ASH1L: variants seen among roughly 807,000 people sequenced by gnomAD.
ASH1L encodes the protein ASH1 like histone lysine methyltransferase, also known as histone-lysine N-methyltransferase ASH1L.
ASH1L carries 23 observed loss-of-function variants against 269.0 expected under a neutral mutation model. The observed-to-expected ratio is 0.09, with a 90% CI of 0.06 to 0.12. The LOEUF (loss-of-function observed/expected upper bound fraction) is 0.12, where lower values mean the gene tolerates loss of function less well. Ranked by LOEUF, ASH1L falls within the 10% of genes least tolerant of loss-of-function variation. ASH1L has a pLI of 1.00. For synonymous variants in ASH1L, 1,187 were observed against 1,253.5 expected, an observed-to-expected ratio of 0.95 and a Z score of 1.12; for missense variants, 2,912 against 3,567.8, an observed-to-expected ratio of 0.82 and a Z score of 4.68.
chr1:155,485,300 C>G (rs922171615), intron 2 of ASH1L, among the ~76,000 whole-genome samples: 1 of 151,214 alleles, frequency 6.6e-6, no homozygotes, highest in Non-Finnish European at 1.5e-5. Flanking sequence ...GAACCTCTAC[C>G]TCTCTATTTT....
chr1:155,519,608 C>A (rs929453295), intron 2 of ASH1L, among the ~76,000 whole-genome samples: 1 of 152,108 alleles, frequency 6.6e-6, no homozygotes, highest in African/African-American at 2.4e-5. Flanking sequence ...TATGATTACA[C>A]CTATATGAGT....
chr1:155,549,855 T>C (rs1057165332), intron 1 of ASH1L, among the ~76,000 whole-genome samples: 2 of 151,992 alleles, frequency 1.3e-5, no homozygotes, highest in East Asian at 1.9e-4. Flanking sequence ...GAAAAAAGCA[T>C]CCAACTGCTC....
At chr1:155,434,405 A>G (rs1307360035) in intron 5 of ASH1L, 2 of 1,036,384 alleles carry the variant, frequency 1.9e-6, no homozygotes, top group African/African-American at 3.3e-5. Context: ...GGGGCAGGGG[A>G]GTTTGGGGCA....
chr1:155,375,768 A>G (rs1178532720), intron 10 of ASH1L, among the ~76,000 whole-genome samples: 1 of 151,468 alleles, frequency 6.6e-6, no homozygotes, highest in Non-Finnish European at 1.5e-5. Flanking sequence ...ATTGCACTCC[A>G]GCCTGGGCAA....
intron 24 of ASH1L, 49 bp from the exon 25 acceptor site, chr1:155,342,151 C>G (rs1209416537): frequency 5.0e-6 from 8 of 1,590,548 alleles, no homozygotes; most frequent in South Asian, 1.1e-5. Flanking sequence ...ATTTCTCCCC[C>G]TGAGCTGCCC....
At chr1:155,377,220 T>A (rs952402598) in intron 10 of ASH1L, among the ~76,000 whole-genome samples, 3 of 152,302 alleles carry the variant, frequency 2.0e-5, no homozygotes, top group Admixed American at 2.0e-4. Context: ...TCATAATTCT[T>A]ATCTCCAATT....
intron 5 of ASH1L, chr1:155,419,407 C>G (rs1331960192): frequency 6.6e-6 from 1 of 151,190 alleles, no homozygotes; most frequent in African/African-American, 2.4e-5. Flanking sequence ...GTGCTTGATT[C>G]AGCAGCACAT....
At chr1:155,508,638 C>G (rs1219794363) in intron 2 of ASH1L, among the ~76,000 whole-genome samples, 3 of 152,122 alleles carry the variant, frequency 2.0e-5, no homozygotes, top group Non-Finnish European at 4.4e-5. Flanking sequence ...AGACTCTAGT[C>G]TCAAAAGTAA....
intron 5 of ASH1L, among the ~76,000 whole-genome samples, chr1:155,423,222 T>A (rs1660858085): frequency 1.3e-5 from 2 of 151,444 alleles, no homozygotes; most frequent in Non-Finnish European, 2.9e-5. Flanking sequence ...GTGTTGGGAT[T>A]ACAGGCGTGA....
chr1:155,446,437 T>C (rs1386117267), intron 4 of ASH1L, among the ~76,000 whole-genome samples: 2 of 151,270 alleles, frequency 1.3e-5, no homozygotes, highest in Non-Finnish European at 2.9e-5. Flanking sequence ...TAGCTGAGAC[T>C]ACAGGTGTGC....
chr1:155,347,461 A>G (rs1653457275), intron 20 of ASH1L, among the ~76,000 whole-genome samples, 195 bp downstream of exon 20: 1 of 152,156 alleles, frequency 6.6e-6, no homozygotes, highest in Admixed American at 6.6e-5. Flanking sequence ...AAGAAAAAGA[A>G]GGGAAGGATA....
intron 4 of ASH1L, among the ~76,000 whole-genome samples, chr1:155,449,528 T>C (rs1287951264): frequency 6.6e-6 from 1 of 151,768 alleles, no homozygotes; most frequent in Non-Finnish European, 1.5e-5. Context: ...GGTTGTTTTT[T>C]TTTTTTTTTG....
chr1:155,501,019 A>G (rs1285373199), intron 2 of ASH1L, among the ~76,000 whole-genome samples: 2 of 152,160 alleles, frequency 1.3e-5, no homozygotes, highest in Admixed American at 1.3e-4. Context: ...GCCTAAACAC[A>G]AAGAATTGGT....
At chr1:155,394,775 GATAA>G (rs1658213667) in intron 7 of ASH1L, among the ~76,000 whole-genome samples, 3 of 152,246 alleles carry the variant, frequency 2.0e-5, no homozygotes, top group Admixed American at 2.0e-4. Context: ...CTTTCAAGCA[GATAA>G]ATACTCAGTA....
intron 2 of ASH1L, among the ~76,000 whole-genome samples, chr1:155,494,917 A>G (rs1214928610): frequency 6.6e-6 from 1 of 151,986 alleles, no homozygotes; most frequent in East Asian, 1.9e-4. Context: ...GAGAAGCCAG[A>G]AAAGAATAAG....
chr1:155,433,486 G>C lies in ASH1L; in HGVS notation c.5828+4841C>G, dbSNP rs745825555. On this transcript the variant is annotated intron_variant, in intron 5 of 27. Coordinates refer to ENST00000392403, the MANE Select transcript of ASH1L (RefSeq NM_018489.3). ...AGCCTGAGGGCGAAGCAGGAGTCAG[G>C]GTGGAGAGCAACTCCGATGGCACCT... 4.3e-6 allele frequency: 7 copies of C among 1,610,728 alleles called. No homozygotes were observed. The Admixed American group carries it at 8.4e-5, about 19-fold the overall frequency.
At position 155,562,516 on chromosome 1, in the gene ASH1L, C is replaced by T. The variant is rs779503979; in HGVS notation, c.-463G>A. The stretch of plus-strand genomic sequence containing the variant: ...GGGAGCGAAGGGCGCCTAGCGCCCC[C>T]CTCAACCTTCCACTCCTTCCTCCTT... On this transcript the variant is annotated 5_prime_UTR_variant, in exon 1 of 28. Coordinates refer to ENST00000392403, the MANE Select transcript of ASH1L (RefSeq NM_018489.3). The T allele has an allele frequency of 3.3e-4, 496 of 1,512,188 alleles. No homozygotes were observed. Among genetic ancestry groups the T allele is most frequent in the Middle Eastern group, 1.7e-4 (1 of 5,896 alleles). The allele number at this position is 1,512,188 out of a possible 1,614,324, so 93.7% of individuals were successfully genotyped here. A position where few individuals can be genotyped will look rare whatever the true frequency, so the allele number is the denominator to read the frequency against.
Position 155,415,918 on chromosome 1 carries a change from T to C in ASH1L, c.5834A>G (p.Asn1945Ser). Reference sequence around the variant, plus strand: ...ACTGGGAATCTCAACTGGTGCTTCATTAAAGCTAGAAAGAGAAGTTTAAAG... The same window carrying C: ...ACTGGGAATCTCAACTGGTGCTTCACTAAAGCTAGAAAGAGAAGTTTAAAG... ...EEEQENNKSF[N>S]EAPVEIPSPS... The change falls in exon 6 of 28, where the codon AAT becomes AGT. Residue 1945 changes from asparagine to serine, a missense_variant. This residue lies in a region of ASH1L where 789 missense variants were observed against 897.6 expected (regional missense o/e 0.88). Transcript: ENST00000392403. 1 of 1,541,922 alleles carries C rather than the reference T, an allele frequency of 6.5e-7. No homozygotes were observed. Among genetic ancestry groups the C allele is most frequent in the Non-Finnish European group, 8.7e-7 (1 of 1,146,682 alleles).
At chr1:155,476,911 T>A (rs576623107) in intron 3 of ASH1L, among the ~76,000 whole-genome samples, 1 of 152,100 alleles carries the variant, frequency 6.6e-6, no homozygotes, top group South Asian at 2.1e-4. Flanking sequence ...ATTTGCATGC[T>A]TACTATGTGA....
Sources: allele counts gnomAD v4.1 joint callset (sites outside exome capture counted in the v4.1 genomes callset), GRCh38; gene constraint gnomAD v4.1.1; regional missense constraint gnomAD v4.1.1; transcripts MANE v1.5; gene names NCBI Gene and HGNC (gene_info 2026-07-23, HGNC 2026-07-21).